The following SVOPL variants were observed in gnomAD, a reference collection of about 807,000 sequenced individuals.
SVOPL encodes SVOP like.
SVOPL carries 60 observed loss-of-function variants against 61.0 expected under a neutral mutation model. The observed-to-expected ratio is 0.98, with a 90% CI of 0.80 to 1.22. The LOEUF (loss-of-function observed/expected upper bound fraction) is 1.22. Among genes scored for constraint, SVOPL ranks in the 50% most tolerant of loss-of-function variants. SVOPL has a pLI of 0.00. For missense variants in SVOPL, 662 were observed against 643.9 expected, an observed-to-expected ratio of 1.03 and a Z score of -0.30; for synonymous variants, 279 against 250.0, an observed-to-expected ratio of 1.12 and a Z score of -1.09.
chr7:138,647,696 A>C (rs1225161749), intron 8 of SVOPL, among the ~76,000 whole-genome samples: 1 of 151,622 alleles, frequency 6.6e-6, no homozygotes, highest in Middle Eastern at 3.2e-3. Flanking sequence ...TAAAATACAA[A>C]AATTAGTCGG....
In SVOPL at chr7:138,628,326, C is replaced by T. The variant is rs142884011; in HGVS notation, c.901G>A (p.Ala301Thr). 1.9e-4 allele frequency: 310 copies of T among 1,613,972 alleles called. No individual in the cohort carries two copies. Among genetic ancestry groups the T allele is most frequent in the Admixed American group, 8.5e-4 (51 of 59,988 alleles). Residue 301 changes from alanine to threonine, a missense_variant, in exon 11 of 16, where the codon GCC becomes ACC. Transcript: ENST00000674285. ...TCCCGCTCCAGCAGCTCAGCACTGGCCAGGATAACCCCATAGTAGGCAAAA... is the reference window on the plus strand; with the variant it reads ...TCCCGCTCCAGCAGCTCAGCACTGGTCAGGATAACCCCATAGTAGGCAAAA... The part of the protein sequence containing the change: ...ISFAYYGVIL[A>T]SAELLERDLV...
intron 3 of SVOPL, 27 bp from the exon 4 acceptor site, chr7:138,672,144 G>A (rs1188406278): frequency 1.3e-6 from 2 of 1,544,124 alleles, no homozygotes; most frequent in South Asian, 2.4e-5. Context: ...ACCATGCCAT[G>A]TCTAAGTGCC....
intron 5 of SVOPL, 162 bp downstream of exon 5, chr7:138,662,912 C>G: frequency 6.9e-7 from 1 of 1,449,924 alleles, no homozygotes; most frequent in Non-Finnish European, 9.1e-7. Context: ...AGAAAAATGT[C>G]CAGAAGATAA....
chr7:138,688,571 G>T (rs1802871768), intron 1 of SVOPL, among the ~76,000 whole-genome samples: 1 of 152,128 alleles, frequency 6.6e-6, no homozygotes, highest in Non-Finnish European at 1.5e-5. Context: ...CGCCCAGCCA[G>T]ATCCCTAAAA....
At chr7:138,635,288 T>A (rs997778133) in intron 9 of SVOPL, among the ~76,000 whole-genome samples, 5 of 149,108 alleles carry the variant, frequency 3.4e-5, no homozygotes, top group African/African-American at 1.2e-4. Flanking sequence ...AAAAAAAAGT[T>A]AATATGGTAA....
At chr7:138,661,148 C>T (rs1254403111) in intron 5 of SVOPL, 1 of 985,186 alleles carries the variant, frequency 1.0e-6, no homozygotes, top group Admixed American at 6.2e-5. Context: ...CTTTGAGATT[C>T]CTCCATTTGT....
chr7:138,693,053 T>C (rs1802978447), intron 1 of SVOPL, among the ~76,000 whole-genome samples: 1 of 152,108 alleles, frequency 6.6e-6, no homozygotes, highest in South Asian at 2.1e-4. Flanking sequence ...AAGATACCTA[T>C]AACATATTGG....
Position 138,615,670 on chromosome 7 carries a change from C to T in SVOPL, c.1353+5376G>A, listed in dbSNP as rs1399802354. On this transcript the variant is annotated intron_variant, in intron 14 of 15. Transcript: ENST00000674285. ...ATTAGCTAGGCATGGTGGCAGGTGC[C>T]TGTAGTCTCAGCTACTTGGAAGGCT... Among the ~76,000 whole-genome samples the T allele has an allele frequency of 5.7e-5, 5 of 88,038 alleles. 2 individuals carry two copies. The highest frequency in any genetic ancestry group is 1.3e-4 in the Non-Finnish European group (5 of 38,812). 57.8% of individuals were successfully genotyped at this position (88,038 alleles called of 152,430 possible).
intron 13 of SVOPL, among the ~76,000 whole-genome samples, chr7:138,621,946 GTATCTATCTATCTATGTATC>G (rs1799610837): frequency 6.1e-5 from 1 of 16,400 alleles, no homozygotes; most frequent in Non-Finnish European, 1.3e-4. Flanking sequence ...ATCTATCTAT[GTATCTATCTATCTATGTATC>G]TATCTATGTA....
At chr7:138,688,171 A>G (rs1802861455) in intron 1 of SVOPL, among the ~76,000 whole-genome samples, 1 of 152,210 alleles carries the variant, frequency 6.6e-6, no homozygotes, top group Non-Finnish European at 1.5e-5. Flanking sequence ...CAAATGGCCA[A>G]TGAGCACATG....
chr7:138,626,450 T>C lies in SVOPL; in HGVS notation c.1182-400A>G, dbSNP rs186225047. 3.9e-5 allele frequency among the ~76,000 whole-genome samples: 6 copies of C among 152,250 alleles called. No individual in the cohort carries two copies. The East Asian group carries it at 7.8e-4, about 20-fold the overall frequency. On this transcript the variant is annotated intron_variant, in intron 12 of 15. Coordinates refer to ENST00000674285, the MANE Select transcript of SVOPL (RefSeq NM_001139456.2). ...CTCTGTTACCCAGCCTTGGGTGCAG[T>C]GGCACAATCATGGCTCACTGCAGCC...
intron 14 of SVOPL, among the ~76,000 whole-genome samples, chr7:138,607,025 GT>G (rs398111941): frequency 6.8e-6 from 1 of 147,112 alleles, no homozygotes; most frequent in Non-Finnish European, 1.5e-5. Flanking sequence ...ACTGTTTTTT[GT>G]TTTTTTTTTC....
intron 14 of SVOPL, among the ~76,000 whole-genome samples, chr7:138,608,314 C>T (rs1306778555): frequency 1.3e-5 from 2 of 152,170 alleles, no homozygotes; most frequent in Non-Finnish European, 2.9e-5. Context: ...GTTTAAAAAA[C>T]GTGCTATAAA....
At position 138,631,981 on chromosome 7, in the gene SVOPL, CACAT is replaced by C. The variant is rs1026962879; in HGVS notation, c.790-1863_790-1860del. Among the ~76,000 whole-genome samples, 145 of 151,948 alleles carry C rather than the reference CACAT, an allele frequency of 9.5e-4. 2 individuals are homozygous for C. The South Asian group carries it at 0.017, about 18-fold the overall frequency. On this transcript the variant is annotated intron_variant, in intron 9 of 15. Coordinates refer to ENST00000674285, the MANE Select transcript of SVOPL (RefSeq NM_001139456.2). ...GATATCACACACACACACACACACACACATACACACACCCCTACACCCCACCTGG... is the reference window on the plus strand; with the variant it reads ...GATATCACACACACACACACACACACACACACACCCCTACACCCCACCTGG...
At chr7:138,648,533 C>CAAAAAAAAAA (rs61171485) in intron 8 of SVOPL, among the ~76,000 whole-genome samples, 2 of 73,794 alleles carry the variant, frequency 2.7e-5, no homozygotes, top group African/African-American at 4.2e-5. Context: ...ACTAAAAATC[C>CAAAAAAAAAA]AAAAAAAAAA....
chr7:138,647,860 AAAAAAAAT>A (rs1337575298), intron 8 of SVOPL, among the ~76,000 whole-genome samples: 12 of 150,442 alleles, frequency 8.0e-5, no homozygotes, highest in African/African-American at 2.7e-4. Flanking sequence ...AAAAAAAAAA[AAAAAAAAT>A]AGTCACATGC....
intron 1 of SVOPL, among the ~76,000 whole-genome samples, chr7:138,684,934 C>CTTTTTTTTT (rs201231483): frequency 7.1e-6 from 1 of 140,128 alleles, no homozygotes; most frequent in Non-Finnish European, 1.5e-5. Context: ...TTTTTCTTTT[C>CTTTTTTTTT]TTTTTTTTTT....
intron 9 of SVOPL, among the ~76,000 whole-genome samples, chr7:138,641,805 ATATATATGT>A (rs1800798208): frequency 2.6e-5 from 2 of 77,988 alleles, no homozygotes; most frequent in Non-Finnish European, 5.0e-5. Flanking sequence ...CGTATCAAAT[ATATATATGT>A]TATATATATA....
chr7:138,655,006 C>G (rs754643748), intron 7 of SVOPL, among the ~76,000 whole-genome samples: 20 of 151,114 alleles, frequency 1.3e-4, no homozygotes, highest in Non-Finnish European at 2.9e-4. Flanking sequence ...GCCTAGGCAA[C>G]ATGGAGAAAC....
Sources: gnomAD v4.1 joint callset for allele counts (sites outside exome capture counted in the v4.1 genomes callset) on GRCh38, gnomAD v4.1.1 for gene constraint, MANE v1.5 for transcripts, NCBI Gene and HGNC (gene_info 2026-07-23, HGNC 2026-07-21) for gene names.